PDE11A: variants seen among roughly 807,000 people sequenced by gnomAD.
PDE11A encodes phosphodiesterase 11A.
A neutral mutation model predicts 100.5 loss-of-function variants in PDE11A; 100 were observed. That is an observed-to-expected ratio of 1.00 (90% CI 0.85 to 1.18). The LOEUF (loss-of-function observed/expected upper bound fraction) is 1.18, where lower values mean the gene tolerates loss of function less well. Ranked by LOEUF, PDE11A falls within the 50% of genes most tolerant of loss-of-function variation. The pLI is 0.00. For synonymous variants in PDE11A, 381 were observed against 420.8 expected (o/e 0.91, Z 1.16); for missense variants, 1,141 against 1,152.6 (o/e 0.99, Z 0.15).
At chr2:178,078,295 C>G (rs934973364) in intron 2 of PDE11A, among the ~76,000 whole-genome samples, 2 of 152,156 alleles carry the variant, frequency 1.3e-5, no homozygotes, top group African/African-American at 4.8e-5. Context: ...CCTGCTTCCA[C>G]ACATTTGGTC....
chr2:177,954,935 T>C (rs1009936422), intron 2 of PDE11A, among the ~76,000 whole-genome samples: 1 of 152,096 alleles, frequency 6.6e-6, no homozygotes, highest in Non-Finnish European at 1.5e-5. Context: ...GACATTTATT[T>C]TTAATTACCC....
chr2:177,907,858 T>TG (rs1422169138), intron 2 of PDE11A, among the ~76,000 whole-genome samples: 1 of 152,240 alleles, frequency 6.6e-6, no homozygotes, highest in Non-Finnish European at 1.5e-5. Context: ...GTGCTATTAC[T>TG]GGGGTCAGGG....
chr2:177,806,641 C>T (rs1370729190), intron 9 of PDE11A, among the ~76,000 whole-genome samples: 1 of 151,960 alleles, frequency 6.6e-6, no homozygotes, highest in African/African-American at 2.4e-5. Context: ...TGCAAAGAAG[C>T]AGAAAAATGT....
At chr2:177,676,698 G>A (rs2080781357) in intron 16 of PDE11A, among the ~76,000 whole-genome samples, 1 of 152,162 alleles carries the variant, frequency 6.6e-6, no homozygotes, top group South Asian at 2.1e-4. Context: ...CTACGCAAAG[G>A]GAGACACATC....
chr2:177,774,359 C>T (rs2082350915), intron 9 of PDE11A, among the ~76,000 whole-genome samples: 1 of 152,236 alleles, frequency 6.6e-6, no homozygotes. Context: ...CACCTCTCCA[C>T]TGGAACAGCT....
chr2:177,743,623 A>T (rs1021741985), intron 10 of PDE11A, among the ~76,000 whole-genome samples: 3 of 152,220 alleles, frequency 2.0e-5, no homozygotes, highest in Admixed American at 1.3e-4. Context: ...AAAGGAAGTG[A>T]ATTAGCATTT....
intron 9 of PDE11A, among the ~76,000 whole-genome samples, chr2:177,791,666 T>C (rs1439880313): frequency 1.3e-5 from 2 of 152,142 alleles, no homozygotes; most frequent in Non-Finnish European, 2.9e-5. Context: ...AGGGTTGTGT[T>C]TGATAGATAT....
intron 9 of PDE11A, among the ~76,000 whole-genome samples, chr2:177,790,074 T>G (rs1306081147): frequency 6.6e-6 from 1 of 152,036 alleles, no homozygotes; most frequent in Non-Finnish European, 1.5e-5. Context: ...AGAGCCCGCA[T>G]CACCAAGTCA....
rs184154848 is a variant in PDE11A at position 177,801,237 on chromosome 2, C to T, written c.1737+15592G>A. On this transcript the variant is annotated intron_variant, in intron 9 of 19. Transcript: ENST00000286063. ...TATTTTTAGTCACTTTTTATTAAAA[C>T]ATCCTGCTTTATTTTCTTTATGATA... Among the ~76,000 whole-genome samples the T allele has an allele frequency of 4.2e-3, 632 of 152,270 alleles. 7 individuals carry two copies. Among genetic ancestry groups the T allele is most frequent in the Middle Eastern group, 0.034 (10 of 294 alleles).
At chr2:177,728,251 T>C in intron 10 of PDE11A, 79 bp from the exon 11 acceptor site, 1 of 1,259,748 alleles carries the variant, frequency 7.9e-7, no homozygotes, top group Non-Finnish European at 1.2e-6. Context: ...CCCCTGCTTA[T>C]CAGAAGTGCC....
chr2:177,826,550 A>G (rs752525233), intron 6 of PDE11A, among the ~76,000 whole-genome samples: 35 of 152,242 alleles, frequency 2.3e-4, no homozygotes, highest in Non-Finnish European at 4.8e-4. Flanking sequence ...TCTTACCTGC[A>G]CATAGGATAA....
At chr2:178,011,221 C>T (rs2086270380) in intron 2 of PDE11A, among the ~76,000 whole-genome samples, 1 of 152,102 alleles carries the variant, frequency 6.6e-6, no homozygotes, top group African/African-American at 2.4e-5. Context: ...CTCAGTGGCT[C>T]TGAGTTGTAA....
At chr2:177,924,128 AC>A (rs2085093798) in intron 2 of PDE11A, among the ~76,000 whole-genome samples, 1 of 152,078 alleles carries the variant, frequency 6.6e-6, no homozygotes, top group South Asian at 2.1e-4. Context: ...GATTTTCGCC[AC>A]CTCCTTTTTT....
chr2:178,053,288 G>C (rs372461069), intron 1 of PDE11A, among the ~76,000 whole-genome samples: 1 of 152,188 alleles, frequency 6.6e-6, no homozygotes, highest in Non-Finnish European at 1.5e-5. Context: ...AATAGATGCA[G>C]AAAAGGCCTT....
At position 177,981,086 on chromosome 2, in the gene PDE11A, C is replaced by A. The variant is rs746633425; in HGVS notation, c.1071+33216G>T. ...CTCCTTCACTTAATAGCTGTGTGAT[C>A]TTGGGCAAATCACTTAACCTCCAGT... On this transcript the variant is annotated intron_variant, in intron 2 of 19. Coordinates refer to ENST00000286063, the MANE Select transcript of PDE11A (RefSeq NM_016953.4). Among the ~76,000 whole-genome samples the A allele has an allele frequency of 1.9e-4, 29 of 150,116 alleles. 1 individual carries two copies. Among genetic ancestry groups the A allele is most frequent in the Non-Finnish European group, 3.9e-4 (26 of 67,078 alleles).
intron 2 of PDE11A, among the ~76,000 whole-genome samples, chr2:177,962,497 G>A (rs1282358205): frequency 6.6e-6 from 1 of 152,030 alleles, no homozygotes; most frequent in Non-Finnish European, 1.5e-5. Context: ...GCTATTAATA[G>A]TAACAGTGTT....
Position 177,624,478 on chromosome 2 carries a change from G to A in PDE11A, c.*4929C>T, listed in dbSNP as rs1156297838. ...GGCAGATTCTGTTTAATTACCTAGT[G>A]TTAAGTGGAAAAAGTTATGATAAAT... On this transcript the variant is annotated 3_prime_UTR_variant, in exon 20 of 20. Transcript: ENST00000286063. 2 of 152,088 alleles carry A rather than the reference G, an allele frequency of 1.3e-5. No individual in the cohort carries two copies. The highest frequency in any genetic ancestry group is 2.4e-5 in the African/African-American group (1 of 41,408). The allele number at this position is 152,088 out of a possible 1,614,324, so 9.4% of individuals were successfully genotyped here. A position where few individuals can be genotyped will look rare whatever the true frequency, so the allele number is the denominator to read the frequency against.
At chr2:177,810,078 TA>T (rs1261333267) in intron 9 of PDE11A, among the ~76,000 whole-genome samples, 2 of 148,808 alleles carry the variant, frequency 1.3e-5, no homozygotes, top group African/African-American at 5.1e-5. Flanking sequence ...CCTCCCCAAA[TA>T]AAAGCGCAAC....
intron 1 of PDE11A, among the ~76,000 whole-genome samples, chr2:178,040,431 T>C (rs2086669557): frequency 6.6e-6 from 1 of 152,204 alleles, no homozygotes. Context: ...GTATATATTT[T>C]ATTCTTCCAT....
Sources: gnomAD v4.1 joint callset for allele counts (sites outside exome capture counted in the v4.1 genomes callset) on GRCh38, gnomAD v4.1.1 for gene constraint, MANE v1.5 for transcripts, NCBI Gene and HGNC (gene_info 2026-07-23, HGNC 2026-07-21) for gene names.